RALYL: variants seen among roughly 807,000 people sequenced by gnomAD.
The protein encoded by RALYL is RALY RNA binding protein like, also known as RNA-binding Raly-like protein.
A neutral mutation model predicts 35.1 loss-of-function variants in RALYL; 29 were observed. The ratio of observed to expected loss-of-function variants is 0.83; its 90% CI spans 0.61 to 1.13. The LOEUF is 1.13. Ranked by LOEUF, RALYL falls within the 50% of genes most tolerant of loss-of-function variation. The probability of loss-of-function intolerance (pLI) is 0.00; values close to 1 mark genes in which losing one functional copy is unlikely to be tolerated. For missense variants in RALYL, 359 were observed against 360.4 expected (o/e 1.00, Z 0.03); for synonymous variants, 120 against 127.6 (o/e 0.94, Z 0.40).
intron 1 of RALYL, among the ~76,000 whole-genome samples, chr8:84,222,957 T>C (rs1002568361): frequency 5.3e-5 from 8 of 152,150 alleles, no homozygotes; most frequent in Non-Finnish European, 1.0e-4. Context: ...GCCTGCCACA[T>C]CTATCTTGGA....
chr8:84,875,637 G>A (rs1473346964), intron 7 of RALYL, among the ~76,000 whole-genome samples: 2 of 151,886 alleles, frequency 1.3e-5, no homozygotes, highest in African/African-American at 2.4e-5. Flanking sequence ...CCTGAATAGT[G>A]TATTTATAGA....
intron 6 of RALYL, among the ~76,000 whole-genome samples, chr8:84,870,405 G>A (rs565753338): frequency 2.0e-4 from 31 of 151,632 alleles, no homozygotes; most frequent in African/African-American, 5.8e-4. Context: ...TTACAGGTGC[G>A]TGCCACCATG....
chr8:84,646,280 G>A (rs1827480195), intron 2 of RALYL, among the ~76,000 whole-genome samples: 1 of 150,996 alleles, frequency 6.6e-6, no homozygotes, highest in African/African-American at 2.4e-5. Flanking sequence ...TGGTCATTTT[G>A]TAACTTACTT....
At chr8:84,913,830 TA>T (rs1003180075) in intron 8 of RALYL, among the ~76,000 whole-genome samples, 14 of 151,710 alleles carry the variant, frequency 9.2e-5, no homozygotes, top group Admixed American at 6.6e-5. Flanking sequence ...TATACTGATT[TA>T]AAAAAAAGGA....
At chr8:84,817,972 T>C (rs1333707893) in intron 4 of RALYL, among the ~76,000 whole-genome samples, 1 of 152,184 alleles carries the variant, frequency 6.6e-6, no homozygotes, top group African/African-American at 2.4e-5. Flanking sequence ...GTTGTAAATC[T>C]TTTCTAAAGT....
intron 1 of RALYL, among the ~76,000 whole-genome samples, chr8:84,207,320 A>C (rs987385870): frequency 5.3e-5 from 8 of 151,914 alleles, no homozygotes; most frequent in Non-Finnish European, 1.0e-4. Flanking sequence ...ATATATATGA[A>C]GTATGTTATA....
At chr8:84,544,602 C>A (rs1487888600) in intron 2 of RALYL, among the ~76,000 whole-genome samples, 1 of 151,988 alleles carries the variant, frequency 6.6e-6, no homozygotes, top group African/African-American at 2.4e-5. Context: ...ATTAGTTACA[C>A]TGCAGAAAAT....
intron 1 of RALYL, among the ~76,000 whole-genome samples, chr8:84,294,925 G>A (rs1426971642): frequency 2.0e-5 from 3 of 152,024 alleles, no homozygotes; most frequent in African/African-American, 7.2e-5. Context: ...ATTCAAAGCA[G>A]GGCAAAAATT....
In RALYL at chr8:84,350,406, T is replaced by C. The variant is rs1219198295; in HGVS notation, c.-24+165982T>C. Among the ~76,000 whole-genome samples, 2 of 150,688 alleles carry C rather than the reference T, an allele frequency of 1.3e-5. 1 individual carries two copies. On this transcript the variant is annotated intron_variant, in intron 1 of 8. Transcript: ENST00000521268. ...TTGTAAAATGAAGAATTTTTTTAAATATTTGCCTATGAATTTAGTTTGCTT... is the reference window on the plus strand; with the variant it reads ...TTGTAAAATGAAGAATTTTTTTAAACATTTGCCTATGAATTTAGTTTGCTT...
intron 2 of RALYL, among the ~76,000 whole-genome samples, chr8:84,578,456 G>C (rs79493775): frequency 0.015 from 2,226 of 152,322 alleles, 65 homozygotes; most frequent in African/African-American, 0.051. Flanking sequence ...TTTCAGCCCT[G>C]TTTGTGTTAC....
chr8:84,681,947 G>T (rs550131884), intron 2 of RALYL, among the ~76,000 whole-genome samples: 9 of 152,252 alleles, frequency 5.9e-5, no homozygotes, highest in African/African-American at 2.2e-4. Context: ...TACAGTTTTT[G>T]CCCATTCAGT....
intron 1 of RALYL, among the ~76,000 whole-genome samples, chr8:84,316,389 G>T (rs1194741560): frequency 1.3e-5 from 2 of 152,068 alleles, no homozygotes; most frequent in East Asian, 1.9e-4. Context: ...GTTTAAAAAT[G>T]AGGAAGCTAA....
At chr8:84,686,028 G>A (rs1434506510) in intron 2 of RALYL, among the ~76,000 whole-genome samples, 1 of 152,140 alleles carries the variant, frequency 6.6e-6, no homozygotes, top group East Asian at 1.9e-4. Context: ...TACATTTTGT[G>A]TATCTCCACT....
At chr8:84,829,186 C>T (rs1034819800) in intron 4 of RALYL, 1 of 152,108 alleles carries the variant, frequency 6.6e-6, no homozygotes, top group Non-Finnish European at 1.5e-5. Flanking sequence ...GCCATCAGAT[C>T]TCCTGGGACT....
chr8:84,845,118 T>TA (rs978361082), intron 4 of RALYL, among the ~76,000 whole-genome samples: 2 of 151,972 alleles, frequency 1.3e-5, no homozygotes, highest in Non-Finnish European at 2.9e-5. Flanking sequence ...TAAAGCATAA[T>TA]AAAAAAATTA....
chr8:84,243,618 G>T (rs938796086), intron 1 of RALYL, among the ~76,000 whole-genome samples: 4 of 150,032 alleles, frequency 2.7e-5, no homozygotes, highest in Non-Finnish European at 5.9e-5. Flanking sequence ...TAGATGAGAA[G>T]AAACAGCAGA....
chr8:84,908,279 C>G (rs763334773), intron 8 of RALYL, among the ~76,000 whole-genome samples: 3 of 152,084 alleles, frequency 2.0e-5, no homozygotes, highest in African/African-American at 7.2e-5. Context: ...ACTATAGTCA[C>G]CATACTGTGC....
At chr8:84,478,992 A>G (rs557231131) in intron 1 of RALYL, among the ~76,000 whole-genome samples, 1 of 138,898 alleles carries the variant, frequency 7.2e-6, no homozygotes, top group South Asian at 2.5e-4. Context: ...AGGCTGAGGC[A>G]GGAGAATGGC....
intron 2 of RALYL, chr8:84,679,712 C>G (rs1470480975): frequency 3.1e-5 from 16 of 518,048 alleles, no homozygotes; most frequent in Non-Finnish European, 5.5e-5. Context: ...CTTTGACCCT[C>G]AAGGCAATAT....
Sources: allele counts gnomAD v4.1 joint callset (sites outside exome capture counted in the v4.1 genomes callset), GRCh38; gene constraint gnomAD v4.1.1; transcripts MANE v1.5; gene names NCBI Gene and HGNC (gene_info 2026-07-23, HGNC 2026-07-21).